The following DPYD variants were observed in gnomAD, a reference collection of about 807,000 sequenced individuals.
DPYD encodes dihydropyrimidine dehydrogenase [NADP(+)].
A neutral mutation model predicts 116.2 loss-of-function variants in DPYD; 109 were observed. The ratio of observed to expected loss-of-function variants is 0.94; its 90% CI spans 0.80 to 1.10. The LOEUF (loss-of-function observed/expected upper bound fraction) is 1.10. Ranked by LOEUF, DPYD falls within the 50% of genes least tolerant of loss-of-function variation. The pLI, the probability that DPYD is intolerant of heterozygous loss-of-function variation, is 0.00. For synonymous variants in DPYD, 440 were observed against 432.0 expected (o/e 1.02, Z -0.23); for missense variants, 1,302 against 1,254.5 (o/e 1.04, Z -0.57).
chr1:97,903,725 C>T (rs1190064753), intron 1 of DPYD, among the ~76,000 whole-genome samples: 1 of 151,840 alleles, frequency 6.6e-6, no homozygotes, highest in Non-Finnish European at 1.5e-5. Context: ...ACTAGAGGAA[C>T]TAAGAAATCC....
chr1:97,479,388 G>A (rs1161512368), intron 13 of DPYD, among the ~76,000 whole-genome samples: 2 of 152,162 alleles, frequency 1.3e-5, no homozygotes, highest in Non-Finnish European at 2.9e-5. Flanking sequence ...GGAGGCCCTT[G>A]GAGAGGGAGA....
At chr1:97,909,099 C>T (rs574342642) in intron 1 of DPYD, among the ~76,000 whole-genome samples, 1 of 152,188 alleles carries the variant, frequency 6.6e-6, no homozygotes, top group South Asian at 2.1e-4. Flanking sequence ...TTTTCATTAT[C>T]CTACTTTACA....
chr1:97,869,588 T>C (rs1460940655), intron 2 of DPYD, among the ~76,000 whole-genome samples: 1 of 151,684 alleles, frequency 6.6e-6, no homozygotes, highest in Non-Finnish European at 1.5e-5. Flanking sequence ...GTGAAGGTGT[T>C]CCCCTCCCTT....
At chr1:97,183,842 T>A (rs1392921622) in intron 20 of DPYD, among the ~76,000 whole-genome samples, 1 of 152,106 alleles carries the variant, frequency 6.6e-6, no homozygotes, top group Non-Finnish European at 1.5e-5. Flanking sequence ...GGGTTCATTA[T>A]ACAGGTTATT....
intron 14 of DPYD, among the ~76,000 whole-genome samples, chr1:97,437,304 T>C (rs1235678537): frequency 6.6e-6 from 1 of 151,600 alleles, no homozygotes; most frequent in Non-Finnish European, 1.5e-5. Context: ...GAGGTGTTTT[T>C]TTTTTTGAAT....
chr1:97,655,837 C>T (rs1256240152), intron 8 of DPYD, among the ~76,000 whole-genome samples: 3 of 152,064 alleles, frequency 2.0e-5, no homozygotes, highest in Non-Finnish European at 4.4e-5. Flanking sequence ...GAAATATTGA[C>T]GTTAAAGGTT....
chr1:97,747,721 G>T (rs555275750), intron 3 of DPYD, among the ~76,000 whole-genome samples: 146 of 152,306 alleles, frequency 9.6e-4, no homozygotes, highest in South Asian at 2.7e-3. Flanking sequence ...AAATGTGCTT[G>T]CTCATCCAAG....
At chr1:97,423,156 G>A (rs542004321) in intron 14 of DPYD, among the ~76,000 whole-genome samples, 1 of 152,242 alleles carries the variant, frequency 6.6e-6, no homozygotes, top group Admixed American at 6.5e-5. Context: ...GTCCTAGCAA[G>A]AGAAATCATA....
chr1:97,358,272 C>G (rs939603155), intron 16 of DPYD, among the ~76,000 whole-genome samples: 1 of 152,186 alleles, frequency 6.6e-6, no homozygotes, highest in Non-Finnish European at 1.5e-5. Flanking sequence ...ATTGCTGAGG[C>G]TTGAATAGGT....
At chr1:97,515,260 G>T (rs1251762827) in intron 13 of DPYD, among the ~76,000 whole-genome samples, 2 of 151,708 alleles carry the variant, frequency 1.3e-5, no homozygotes. Flanking sequence ...GAAACTCAGG[G>T]TATTTGTTTT....
intron 11 of DPYD, among the ~76,000 whole-genome samples, chr1:97,564,979 A>G (rs2102147740): frequency 6.6e-6 from 1 of 152,178 alleles, no homozygotes; most frequent in Non-Finnish European, 1.5e-5. Flanking sequence ...CTCTCTCCAA[A>G]ACACTAAAAT....
chr1:97,204,449 T>G (rs193065447), intron 19 of DPYD, among the ~76,000 whole-genome samples: 8 of 152,254 alleles, frequency 5.3e-5, no homozygotes, highest in African/African-American at 1.7e-4. Context: ...TATTTATGCC[T>G]TCTCACTAAA....
rs187756512 is a variant in DPYD at position 97,884,145 on chromosome 1, G to T, written c.40-771C>A. 1.2e-3 allele frequency among the ~76,000 whole-genome samples: 181 copies of T among 152,016 alleles called. No individual in the cohort carries two copies. In the Middle Eastern group the frequency reaches 0.024, roughly 20 times the overall value. ...ACAGCTTACATTAATAGACTAATAT[G>T]GGGCAAAATATAAATCGAGTAATTG... On this transcript the variant is annotated intron_variant, in intron 1 of 22. Transcript: ENST00000370192.
chr1:97,675,017 G>A (rs1429796463), intron 8 of DPYD, among the ~76,000 whole-genome samples: 1 of 152,102 alleles, frequency 6.6e-6, no homozygotes, highest in Non-Finnish European at 1.5e-5. Flanking sequence ...TTATTTTAAT[G>A]CAGTGTGAAC....
chr1:97,257,512 CTATA>C (rs1293408847), intron 18 of DPYD, among the ~76,000 whole-genome samples: 2 of 148,964 alleles, frequency 1.3e-5, no homozygotes, highest in Non-Finnish European at 3.0e-5. Context: ...TACCATATCT[CTATA>C]TAGTGTGCAT....
intron 4 of DPYD, among the ~76,000 whole-genome samples, chr1:97,731,088 GATT>G (rs1663579759): frequency 1.3e-5 from 2 of 151,910 alleles, no homozygotes; most frequent in African/African-American, 4.8e-5. Context: ...TTTCTTTAAT[GATT>G]ATTTATGCCA....
At chr1:97,685,670 A>G (rs113789757) in intron 7 of DPYD, among the ~76,000 whole-genome samples, 1,870 of 152,308 alleles carry the variant, frequency 0.012, 35 homozygotes, top group African/African-American at 0.042. Context: ...TGCAAAAACC[A>G]CTAGCATTCC....
intron 20 of DPYD, among the ~76,000 whole-genome samples, chr1:97,159,655 T>C (rs1030530316): frequency 6.6e-6 from 1 of 152,084 alleles, no homozygotes; most frequent in African/African-American, 2.4e-5. Context: ...AGGAAGTAAG[T>C]TGCAGAAACT....
intron 2 of DPYD, among the ~76,000 whole-genome samples, chr1:97,850,446 T>A (rs928810951): frequency 5.3e-5 from 8 of 152,200 alleles, no homozygotes; most frequent in Non-Finnish European, 8.8e-5. Context: ...TTTTTATTAG[T>A]ACATTATTCA....
Sources: allele counts gnomAD v4.1 joint callset (sites outside exome capture counted in the v4.1 genomes callset), GRCh38; gene constraint gnomAD v4.1.1; transcripts MANE v1.5; gene names NCBI Gene and HGNC (gene_info 2026-07-23, HGNC 2026-07-21).